GHR: variants seen among roughly 807,000 people sequenced by gnomAD.
The protein encoded by GHR is GH receptor.
Under a neutral mutation model 67.1 loss-of-function variants are expected in GHR, and 35 were observed. That is an observed-to-expected ratio of 0.52 (90% CI 0.40 to 0.69). The LOEUF (loss-of-function observed/expected upper bound fraction) is 0.69. GHR is among the 30% of genes least tolerant of loss of function. The pLI is 0.00. For missense variants in GHR, 792 were observed against 764.6 expected (o/e 1.04, Z -0.42); for synonymous variants, 272 against 269.1 (o/e 1.01, Z -0.10).
At chr5:42,503,405 C>T (rs1386185543) in intron 1 of GHR, among the ~76,000 whole-genome samples, 1 of 152,132 alleles carries the variant, frequency 6.6e-6, no homozygotes, top group Non-Finnish European at 1.5e-5. Context: ...AGGCATGGGG[C>T]TGCAATTCAT....
chr5:42,508,735 G>A (rs994274347), intron 1 of GHR, among the ~76,000 whole-genome samples: 6 of 152,034 alleles, frequency 3.9e-5, no homozygotes, highest in African/African-American at 7.2e-5. Flanking sequence ...CACCACGCCC[G>A]GCTAATTTTT....
At position 42,703,492 on chromosome 5, in the gene GHR, C is replaced by T. The variant is rs539273464; in HGVS notation, c.618+3490C>T. Among the ~76,000 whole-genome samples the T allele has an allele frequency of 2.6e-5, 4 of 152,120 alleles. 1 individual carries two copies. The highest frequency in any genetic ancestry group is 1.9e-4 in the East Asian group (1 of 5,196). On this transcript the variant is annotated intron_variant, in intron 6 of 9. Transcript: ENST00000230882. Reference sequence around the variant, plus strand: ...TTTGAGGTTGGTAGAGTGATGATTTCATCCTTGTTCTTCTTGTTCAAGATT... The same window carrying T: ...TTTGAGGTTGGTAGAGTGATGATTTTATCCTTGTTCTTCTTGTTCAAGATT...
rs550593189 is a variant in GHR, at chr5:42,511,947, G to A, written c.-11-53917G>A. ...CCCTGCTCCCATTCTAGGAATCCAA[G>A]CTCTTATGCTAACAATTAAAAATTA... is the stretch of plus-strand genomic sequence containing the variant. On this transcript the variant is annotated intron_variant, in intron 1 of 9. Coordinates refer to ENST00000230882, the MANE Select transcript of GHR (RefSeq NM_000163.5). Among the ~76,000 whole-genome samples the A allele has an allele frequency of 7.9e-5, 12 of 152,276 alleles. No homozygotes were observed. In the East Asian group the frequency reaches 2.3e-3, roughly 29 times the overall value.
intron 2 of GHR, among the ~76,000 whole-genome samples, chr5:42,624,305 C>G (rs1471766868): frequency 2.0e-5 from 3 of 152,166 alleles, no homozygotes; most frequent in African/African-American, 7.2e-5. Context: ...TCCTTAGGAT[C>G]TCATAACTGA....
intron 2 of GHR, among the ~76,000 whole-genome samples, chr5:42,623,453 G>C (rs1406762595): frequency 6.6e-6 from 1 of 152,092 alleles, no homozygotes; most frequent in East Asian, 1.9e-4. Context: ...CACATCCCCA[G>C]CTCCATCCAT....
chr5:42,523,686 TA>T (rs1747573735), intron 1 of GHR, among the ~76,000 whole-genome samples: 1 of 152,158 alleles, frequency 6.6e-6, no homozygotes, highest in South Asian at 2.1e-4. Context: ...TTAGGAGCGT[TA>T]ATAATGCTAC....
chr5:42,572,667 A>G (rs929375523), intron 2 of GHR, among the ~76,000 whole-genome samples: 1 of 152,184 alleles, frequency 6.6e-6, no homozygotes, highest in Non-Finnish European at 1.5e-5. Flanking sequence ...GTGTTTCATC[A>G]GGTACATTTA....
chr5:42,624,131 A>G (rs1397588510), intron 2 of GHR, among the ~76,000 whole-genome samples: 2 of 152,192 alleles, frequency 1.3e-5, no homozygotes, highest in African/African-American at 4.8e-5. Flanking sequence ...CAGGACTGTT[A>G]GCTGACTAAG....
chr5:42,513,554 G>T (rs1219893441), intron 1 of GHR, among the ~76,000 whole-genome samples: 1 of 152,188 alleles, frequency 6.6e-6, no homozygotes, highest in African/African-American at 2.4e-5. Flanking sequence ...TTGGGAGGCC[G>T]AGGTGGGCCG....
intron 6 of GHR, among the ~76,000 whole-genome samples, chr5:42,700,921 C>T (rs1253734982): frequency 6.6e-6 from 1 of 152,200 alleles, no homozygotes; most frequent in Non-Finnish European, 1.5e-5. Context: ...GATATCTGTT[C>T]TGTAACTTGG....
At chr5:42,708,832 C>A (rs1758309662) in intron 6 of GHR, among the ~76,000 whole-genome samples, 1 of 152,160 alleles carries the variant, frequency 6.6e-6, no homozygotes, top group African/African-American at 2.4e-5. Context: ...GGCTTTGTTG[C>A]ACTTTTCGTG....
intron 3 of GHR, among the ~76,000 whole-genome samples, chr5:42,640,556 A>G (rs1754416821): frequency 6.6e-6 from 1 of 152,110 alleles, no homozygotes; most frequent in Non-Finnish European, 1.5e-5. Context: ...TCATTCACCA[A>G]AACTTATCTC....
intron 1 of GHR, among the ~76,000 whole-genome samples, chr5:42,552,267 A>G (rs1749074342): frequency 6.6e-6 from 1 of 152,230 alleles, no homozygotes; most frequent in Non-Finnish European, 1.5e-5. Flanking sequence ...ACATGTTACA[A>G]AGATAGACTG....
At chr5:42,473,873 C>CAA (rs532325898) in intron 1 of GHR, among the ~76,000 whole-genome samples, 18 of 83,122 alleles carry the variant, frequency 2.2e-4, no homozygotes, top group South Asian at 3.9e-4. Flanking sequence ...GACTTTGTCT[C>CAA]AAAAAAAAAA....
At chr5:42,503,001 C>G (rs1746605428) in intron 1 of GHR, among the ~76,000 whole-genome samples, 1 of 152,070 alleles carries the variant, frequency 6.6e-6, no homozygotes, top group Non-Finnish European at 1.5e-5. Context: ...ACAGCAGGTT[C>G]TACTGGTATG....
At chr5:42,471,457 A>G (rs1251939653) in intron 1 of GHR, among the ~76,000 whole-genome samples, 1 of 152,236 alleles carries the variant, frequency 6.6e-6, no homozygotes, top group African/African-American at 2.4e-5. Flanking sequence ...TTATGATGCA[A>G]GGAGTGTGAT....
chr5:42,711,450 A>G, intron 7 of GHR, 78 bp downstream of exon 7: 1 of 977,440 alleles, frequency 1.0e-6, no homozygotes. Context: ...CTGCACTGGT[A>G]GTGTGTTGTC....
chr5:42,528,269 A>G (rs1261052691), intron 1 of GHR, among the ~76,000 whole-genome samples: 4 of 152,188 alleles, frequency 2.6e-5, no homozygotes, highest in African/African-American at 2.4e-5. Flanking sequence ...AGGATTTACC[A>G]TCCTAGATAC....
At chr5:42,461,113 G>A (rs1371058500) in intron 1 of GHR, among the ~76,000 whole-genome samples, 1 of 152,166 alleles carries the variant, frequency 6.6e-6, no homozygotes, top group Non-Finnish European at 1.5e-5. Context: ...AAGGGACAGA[G>A]GTGATTTATA....
Sources: allele counts gnomAD v4.1 joint callset (sites outside exome capture counted in the v4.1 genomes callset), GRCh38; gene constraint gnomAD v4.1.1; transcripts MANE v1.5; gene names NCBI Gene and HGNC (gene_info 2026-07-23, HGNC 2026-07-21).